ANKRD52: variants seen among roughly 807,000 people sequenced by gnomAD.
The protein encoded by ANKRD52 is serine/threonine-protein phosphatase 6 regulatory ankyrin repeat subunit C.
A neutral mutation model predicts 116.0 loss-of-function variants in ANKRD52; 7 were observed. The observed-to-expected ratio is 0.06, with a 90% CI of 0.03 to 0.11. ANKRD52 has a LOEUF of 0.11. Among genes scored for constraint, ANKRD52 ranks in the 10% least tolerant of loss-of-function variants. ANKRD52 has a pLI of 1.00. For synonymous variants in ANKRD52, 528 were observed against 578.1 expected (o/e 0.91, Z 1.24); for missense variants, 839 against 1,408.6 (o/e 0.60, Z 6.47).
rs1418810774 is a variant in ANKRD52 at position 56,247,586 on chromosome 12, C to T, written c.2091G>A (p.Met697Ile). 3 of 1,593,464 alleles carry T rather than the reference C, an allele frequency of 1.9e-6. No homozygotes were observed. In the East Asian group the frequency reaches 6.8e-5, roughly 36 times the overall value. ...YGQTPLMLAI[M>I]NGHVDCVHLL... ...GATGTACACAGTCCACATGGCCATT[C>T]ATGATGGCCAGCATCAGTGGGGTCC... is the stretch of plus-strand genomic sequence containing the variant. Residue 697 changes from methionine to isoleucine, a missense_variant, in exon 20 of 28, where the codon ATG (methionine) becomes ATA (isoleucine). Met to Ile is a conservative substitution (Grantham distance 10). Coordinates refer to ENST00000267116, the MANE Select transcript of ANKRD52 (RefSeq NM_173595.4).
chr12:56,246,098 T>C (rs1174510723), intron 20 of ANKRD52, among the ~76,000 whole-genome samples: 2 of 146,560 alleles, frequency 1.4e-5, no homozygotes, highest in Non-Finnish European at 3.0e-5. Flanking sequence ...GGTGCGATCT[T>C]GGCTCACTGC....
Position 56,240,587 on chromosome 12 carries a change from G to A in ANKRD52, c.*2555C>T, listed in dbSNP as rs556961247. ...TCTCCACACCCGTTTAAGTCAAAGA[G>A]GTTTAAAAAAAATCTTAACATTAAA... On this transcript the variant is annotated 3_prime_UTR_variant, in exon 28 of 28. Coordinates refer to ENST00000267116, the MANE Select transcript of ANKRD52 (RefSeq NM_173595.4). This position sits in a 1 kb window ranked among gnomAD's most constrained non-coding sequence, Gnocchi z 4.2. 2.0e-5 allele frequency: 3 copies of A among 151,976 alleles called. No homozygotes were observed. The South Asian group carries it at 6.2e-4, about 32-fold the overall frequency. 9.4% of individuals were successfully genotyped at this position (151,976 alleles called of 1,614,324 possible).
chr12:56,256,659 G>A (rs889706181), intron 4 of ANKRD52, among the ~76,000 whole-genome samples: 1 of 152,226 alleles, frequency 6.6e-6, no homozygotes, highest in Admixed American at 6.5e-5. Flanking sequence ...GAGGGCCAAG[G>A]ATGCAACAGA....
chr12:56,257,955 C>T (rs1457739568), intron 1 of ANKRD52, 44 bp from the exon 2 acceptor site: 3 of 692,446 alleles, frequency 4.3e-6, no homozygotes, highest in Non-Finnish European at 6.9e-6. Flanking sequence ...GGAGCCGGAG[C>T]GGAACCGGTG....
chr12:56,250,777 G>A (rs537798697), intron 15 of ANKRD52, among the ~76,000 whole-genome samples: 17 of 149,490 alleles, frequency 1.1e-4, no homozygotes, highest in Admixed American at 5.3e-4. Flanking sequence ...TGTGAAGATA[G>A]TACAGGGAGT....
rs1192118931 is a variant in ANKRD52, at chr12:56,240,809, A to G, written c.*2333T>C. On this transcript the variant is annotated 3_prime_UTR_variant, in exon 28 of 28. Transcript: ENST00000267116. This position sits in a 1 kb window ranked among gnomAD's most constrained non-coding sequence, Gnocchi z 4.2. ...GCACTGCTGACAGTGCGCTGAGGGCAGCAGGGCGCAGACAGCCCCCAGAAA... is the reference window on the plus strand; with the variant it reads ...GCACTGCTGACAGTGCGCTGAGGGCGGCAGGGCGCAGACAGCCCCCAGAAA... 1.3e-5 allele frequency: 2 copies of G among 152,218 alleles called. No homozygotes were observed. The highest frequency in any genetic ancestry group is 3.9e-4 in the East Asian group (2 of 5,190). 9.4% of individuals were successfully genotyped at this position (152,218 alleles called of 1,614,324 possible).
Position 56,251,865 on chromosome 12 carries a change from C to T in ANKRD52, c.1592+150G>A, listed in dbSNP as rs1592392975. On this transcript the variant is annotated intron_variant, in intron 15 of 27. Coordinates refer to ENST00000267116, the MANE Select transcript of ANKRD52 (RefSeq NM_173595.4). ...TACTTTTGTCTTTGCCCACTATGGA[C>T]TACACCCAGAGGGCTCAAGACACAC... 14 of 792,088 alleles carry T rather than the reference C, an allele frequency of 1.8e-5. No individual in the cohort carries two copies. In the East Asian group the frequency reaches 3.8e-4, roughly 22 times the overall value. The allele number at this position is 792,088 out of a possible 1,614,324, so 49.1% of individuals were successfully genotyped here. A position where few individuals can be genotyped will look rare whatever the true frequency, so the allele number is the denominator to read the frequency against.
rs1321631736 is a variant in ANKRD52 at position 56,240,015 on chromosome 12, G to C, written c.*3127C>G. 6.6e-6 allele frequency: 1 copy of C among 151,992 alleles called. No homozygotes were observed. The highest frequency in any genetic ancestry group is 1.5e-5 in the Non-Finnish European group (1 of 68,042). The allele number at this position is 151,992 out of a possible 1,614,324, so 9.4% of individuals were successfully genotyped here. A position where few individuals can be genotyped will look rare whatever the true frequency, so the allele number is the denominator to read the frequency against. On this transcript the variant is annotated 3_prime_UTR_variant, in exon 28 of 28. Coordinates refer to ENST00000267116, the MANE Select transcript of ANKRD52 (RefSeq NM_173595.4). This position sits in a 1 kb window ranked among gnomAD's most constrained non-coding sequence, Gnocchi z 4.2. ...AGTCCCTCAGTCTTTTCTCTCCCAC[G>C]CCCCACAGCACCAAACAAAAGGAGA...
chr12:56,257,865 C>A lies in ANKRD52; in HGVS notation c.74G>T (p.Arg25Leu). 1 of 1,613,778 alleles carries A rather than the reference C, an allele frequency of 6.2e-7. No homozygotes were observed. The highest frequency in any genetic ancestry group is 8.5e-7 in the Non-Finnish European group (1 of 1,179,826). ...AIFSRDVEEV[R>L]SLLSQKENIN... ...GTTCTCCTTCTGCGAGAGTAGGGAA[C>A]GCACTTCCTCCACATCTCGGCTAAA... Residue 25 changes from arginine to leucine, a missense_variant, in exon 2 of 28, where the codon CGT (arginine) becomes CTT (leucine). Coordinates refer to ENST00000267116, the MANE Select transcript of ANKRD52 (RefSeq NM_173595.4).
At chr12:56,257,783 G>A (rs944760699) in intron 2 of ANKRD52, 45 bp downstream of exon 2, 23 of 1,593,904 alleles carry the variant, frequency 1.4e-5, no homozygotes, top group Non-Finnish European at 1.8e-5. Context: ...CCAGAACACG[G>A]GAGCCAGGAT....
In ANKRD52 at chr12:56,253,719, T is replaced by A. The variant is rs1368092822; in HGVS notation, c.985+3A>T. On this transcript the variant is annotated splice_donor_region_variant and intron_variant, in intron 9 of 27. Transcript: ENST00000267116. The surrounding 1 kb of genome is among the most constrained non-coding windows in gnomAD (Gnocchi z 5.5). ...GAGAGCACAAAGTCTCCCAGGTCCA[T>A]ACCATTCTGGATGAGGATCTGGGAG... 6.2e-7 allele frequency: 1 copy of A among 1,613,446 alleles called. No individual in the cohort carries two copies. Among genetic ancestry groups the A allele is most frequent in the Non-Finnish European group, 8.5e-7 (1 of 1,179,574 alleles).
chr12:56,248,839 C>T lies in ANKRD52; in HGVS notation c.1624G>A (p.Asp542Asn), dbSNP rs200392444. Residue 542 changes from aspartate to asparagine, a missense_variant, in exon 16 of 28, where the codon GAC becomes AAC. Physicochemically the swap from Asp to Asn is conservative, Grantham distance 23 (BLOSUM62 1). This residue lies in a region of ANKRD52 where 552 missense variants were observed against 810.6 expected (regional missense o/e 0.68). Coordinates refer to ENST00000267116, the MANE Select transcript of ANKRD52 (RefSeq NM_173595.4). This position sits in a 1 kb window ranked among gnomAD's most constrained non-coding sequence, Gnocchi z 5.1. Reference sequence around the variant, plus strand: ...CCCTGCCTGTCCCGCAGGGAGGGGTCTGCACCGTTATCCAGTAAGAACTCC... The same window carrying T: ...CCCTGCCTGTCCCGCAGGGAGGGGTTTGCACCGTTATCCAGTAAGAACTCC... Reference protein sequence around the residue: ...CLEFLLDNGADPSLRDRQGYT... With the variant: ...CLEFLLDNGANPSLRDRQGYT... The T allele has an allele frequency of 4.0e-4, 645 of 1,609,172 alleles. 3 individuals carry two copies. Among genetic ancestry groups the T allele is most frequent in the Middle Eastern group, 2.8e-3 (17 of 6,052 alleles).
intron 4 of ANKRD52, 137 bp from the exon 5 acceptor site, chr12:56,256,121 T>A: frequency 1.2e-6 from 1 of 847,350 alleles, no homozygotes; most frequent in Non-Finnish European, 1.9e-6. Flanking sequence ...CCAACATACC[T>A]AGCCTCTGAA....
chr12:56,253,383 G>A lies in ANKRD52; in HGVS notation c.1005C>T (p.Ala335=), dbSNP rs565026041. The change falls in exon 10 of 28, where the codon GCC becomes GCT. Residue 335 remains alanine, a synonymous_variant. Transcript: ENST00000267116. This position sits in a 1 kb window ranked among gnomAD's most constrained non-coding sequence, Gnocchi z 5.5. ...GCAGTGGCGTGTTCCCAAATTTGTCGGCACAATCAATCTCGCTGCCTGTGA... is the reference window on the plus strand; with the variant it reads ...GCAGTGGCGTGTTCCCAAATTTGTCAGCACAATCAATCTCGCTGCCTGTGA... The part of the protein sequence containing the change: ...LIQNGSEIDC[A]DKFGNTPLHV... 17 of 1,613,572 alleles carry A rather than the reference G, an allele frequency of 1.1e-5. No homozygotes were observed. The highest frequency in any genetic ancestry group is 8.8e-5 in the South Asian group (8 of 91,024).
In ANKRD52 at chr12:56,244,001, A is replaced by G. The variant is rs1192970497; in HGVS notation, c.2888+50T>C. On this transcript the variant is annotated intron_variant, in intron 26 of 27. Coordinates refer to ENST00000267116, the MANE Select transcript of ANKRD52 (RefSeq NM_173595.4). The surrounding 1 kb of genome is among the most constrained non-coding windows in gnomAD (Gnocchi z 4.9). ...GCCTCTGAACAGCGGCCACTCTTTC[A>G]TCACCCACTGGCCTCCCCCAGCCAG... is the stretch of plus-strand genomic sequence containing the variant. The G allele has an allele frequency of 3.1e-6, 5 of 1,609,136 alleles. No individual in the cohort carries two copies. Among genetic ancestry groups the G allele is most frequent in the Non-Finnish European group, 4.2e-6 (5 of 1,176,776 alleles).
rs202247365 is a variant in ANKRD52 at position 56,254,247 on chromosome 12, A to G, written c.726T>C (p.Ala242=). 644 of 1,613,808 alleles carry G rather than the reference A, an allele frequency of 4.0e-4. 1 individual carries two copies. The highest frequency in any genetic ancestry group is 5.2e-4 in the Non-Finnish European group (617 of 1,179,896). The stretch of plus-strand genomic sequence containing the variant: ...GGCCCAGGTAGCAGGCGATGTGCAA[A>G]GCTGTGTTTCCAAAAGCATTGGGTT... ...IDEPNAFGNT[A]LHIACYLGQD... The change falls in exon 8 of 28, where the codon GCT becomes GCC. Residue 242 remains alanine (A), a synonymous_variant. Coordinates refer to ENST00000267116, the MANE Select transcript of ANKRD52 (RefSeq NM_173595.4). The surrounding 1 kb of genome is among the most constrained non-coding windows in gnomAD (Gnocchi z 4.6).
In ANKRD52 at chr12:56,248,820, C is replaced by G; in HGVS notation, c.1643G>C (p.Arg548Thr). ...DNGADPSLRD[R>T]QGYTAVHYAA... is the part of the protein sequence containing the mutation. ...ATAGTGCACAGCTGTGTAGCCCTGC[C>G]TGTCCCGCAGGGAGGGGTCTGCACC... The change falls in exon 16 of 28, where the codon AGG (arginine) becomes ACG (threonine). Residue 548 changes from arginine (R) to threonine (T), a missense_variant. Physicochemically the swap from Arg to Thr is moderately conservative, Grantham distance 71. Transcript: ENST00000267116. The surrounding 1 kb of genome is among the most constrained non-coding windows in gnomAD (Gnocchi z 5.1). 1 of 1,611,752 alleles carries G rather than the reference C, an allele frequency of 6.2e-7. No homozygotes were observed. The highest frequency in any genetic ancestry group is 8.5e-7 in the Non-Finnish European group (1 of 1,178,948).
At position 56,247,540 on chromosome 12, in the gene ANKRD52, T is replaced by C; in HGVS notation, c.2137A>G (p.Thr713Ala). 3 of 1,596,464 alleles carry C rather than the reference T, an allele frequency of 1.9e-6. No homozygotes were observed. In the South Asian group the frequency reaches 3.4e-5, roughly 18 times the overall value. Residue 713 changes from threonine (T) to alanine (A), a missense_variant, in exon 20 of 28, where the codon ACA becomes GCA. Physicochemically the swap from Thr to Ala is moderately conservative, Grantham distance 58. Coordinates refer to ENST00000267116, the MANE Select transcript of ANKRD52 (RefSeq NM_173595.4). ...CCCCGGAGGTCAGCAGCATCAGCTG[T>C]GGATCCTTTCTCTAGCAGCAGATGT... ...CVHLLLEKGS[T>A]ADAADLRGRT...
intron 20 of ANKRD52, among the ~76,000 whole-genome samples, chr12:56,246,605 C>T (rs1871410352): frequency 6.6e-6 from 1 of 151,944 alleles, no homozygotes; most frequent in South Asian, 2.1e-4. Context: ...GGGTGGTGAG[C>T]ACTCAGTTGT....
Sources: allele counts gnomAD v4.1 joint callset (sites outside exome capture counted in the v4.1 genomes callset), GRCh38; gene constraint gnomAD v4.1.1; regional missense constraint gnomAD v4.1.1; non-coding constraint Gnocchi (gnomAD v3.1); transcripts MANE v1.5; gene names NCBI Gene and HGNC (gene_info 2026-07-23, HGNC 2026-07-21).